The following PTPRM variants were observed in gnomAD, a reference collection of about 807,000 sequenced individuals.
PTPRM encodes receptor-type tyrosine-protein phosphatase mu.
In PTPRM, 47 loss-of-function variants were observed where a neutral mutation model predicts 186.7. The ratio of observed to expected loss-of-function variants is 0.25; its 90% CI spans 0.20 to 0.32. The LOEUF is 0.32. Ranked by LOEUF, PTPRM falls within the 10% of genes least tolerant of loss-of-function variation. The pLI, the probability that PTPRM is intolerant of heterozygous loss-of-function variation, is 1.00. For synonymous variants in PTPRM, 668 were observed against 674.9 expected, an observed-to-expected ratio of 0.99 and a Z score of 0.16; for missense variants, 1,494 against 1,865.0, an observed-to-expected ratio of 0.80 and a Z score of 3.66.
intron 1 of PTPRM, among the ~76,000 whole-genome samples, chr18:7,588,261 T>G (rs750172703): frequency 6.6e-6 from 1 of 152,322 alleles, no homozygotes; most frequent in Admixed American, 6.5e-5. Context: ...AATAACTACA[T>G]TAATTTCCAA....
chr18:8,012,193 T>C (rs1317573131), intron 7 of PTPRM, among the ~76,000 whole-genome samples: 1 of 152,242 alleles, frequency 6.6e-6, no homozygotes, highest in East Asian at 1.9e-4. Flanking sequence ...TCTGGTAGTT[T>C]GTATTTTTAG....
intron 2 of PTPRM, among the ~76,000 whole-genome samples, chr18:7,832,041 T>C (rs906786886): frequency 4.6e-5 from 7 of 152,204 alleles, no homozygotes; most frequent in Non-Finnish European, 7.4e-5. Context: ...TGGACACTTA[T>C]GTTGCTTCCA....
At chr18:7,704,890 TG>T (rs2040044048) in intron 1 of PTPRM, among the ~76,000 whole-genome samples, 1 of 152,248 alleles carries the variant, frequency 6.6e-6, no homozygotes, top group African/African-American at 2.4e-5. Context: ...CACACTTAGC[TG>T]GGAGATTTAC....
At chr18:8,283,365 T>G (rs59132483) in intron 19 of PTPRM, among the ~76,000 whole-genome samples, 19,527 of 152,260 alleles carry the variant, frequency 0.13, 1,332 homozygotes, top group Middle Eastern at 0.22. Context: ...TTATGTCAAA[T>G]TTATTGGTTA....
chr18:8,305,658 GCAGATAC>G lies in PTPRM; in HGVS notation c.2843-9119_2843-9113del, dbSNP rs548898653. On this transcript the variant is annotated intron_variant, in intron 20 of 32. Transcript: ENST00000580170. ...CACAGAAATAGGGATAGGTTGTTGA[GCAGATAC>G]CAGGAGATTAAAATGTAGAAGTTAT... Among the ~76,000 whole-genome samples, 14 of 152,278 alleles carry G rather than the reference GCAGATAC, an allele frequency of 9.2e-5. No homozygotes were observed. In the East Asian group the frequency reaches 2.7e-3, roughly 29 times the overall value.
chr18:8,390,511 A>G (rs1363778633), intron 31 of PTPRM, among the ~76,000 whole-genome samples: 2 of 152,226 alleles, frequency 1.3e-5, no homozygotes, highest in Admixed American at 1.3e-4. Flanking sequence ...TTTATAATAC[A>G]TGTGTCTGAC....
rs2095905506 is a variant in PTPRM, at chr18:8,406,192, T to A, written c.*30T>A. On this transcript the variant is annotated 3_prime_UTR_variant, in exon 33 of 33. Coordinates refer to ENST00000580170, the MANE Select transcript of PTPRM (RefSeq NM_001105244.2). ...GTAAACAGCTCTGCAAACAATCCCT[T>A]TCATACCACAAAGCCAAGACGTTCC... 6.2e-7 allele frequency: 1 copy of A among 1,600,584 alleles called. No individual in the cohort carries two copies. Among genetic ancestry groups the A allele is most frequent in the Admixed American group, 1.7e-5 (1 of 59,630 alleles).
chr18:8,086,521 G>A (rs191132165), intron 10 of PTPRM, among the ~76,000 whole-genome samples: 331 of 152,224 alleles, frequency 2.2e-3, no homozygotes, highest in African/African-American at 7.4e-3. Context: ...AAAATTGCAT[G>A]AATATTTTTT....
At chr18:7,617,731 G>C (rs769567555) in intron 1 of PTPRM, among the ~76,000 whole-genome samples, 1 of 152,094 alleles carries the variant, frequency 6.6e-6, no homozygotes, top group Non-Finnish European at 1.5e-5. Context: ...TCTCCTTTCC[G>C]CTGGTATAAG....
At chr18:8,007,605 A>C (rs953537591) in intron 7 of PTPRM, among the ~76,000 whole-genome samples, 1 of 152,150 alleles carries the variant, frequency 6.6e-6, no homozygotes, top group Non-Finnish European at 1.5e-5. Flanking sequence ...GAGATGTCTG[A>C]CCACTGTTCA....
intron 14 of PTPRM, among the ~76,000 whole-genome samples, chr18:8,232,234 T>C (rs1018088218): frequency 6.6e-6 from 1 of 152,250 alleles, no homozygotes; most frequent in Non-Finnish European, 1.5e-5. Context: ...TTGACATCTT[T>C]CACTTAGTGA....
intron 12 of PTPRM, 26 bp downstream of exon 12, chr18:8,113,785 T>G (rs1414376211): frequency 6.3e-7 from 1 of 1,586,498 alleles, no homozygotes. Context: ...AACTGTTTAC[T>G]TAGGCTATTT....
At chr18:7,711,729 G>C (rs1218460508) in intron 1 of PTPRM, among the ~76,000 whole-genome samples, 1 of 152,112 alleles carries the variant, frequency 6.6e-6, no homozygotes, top group Non-Finnish European at 1.5e-5. Flanking sequence ...AGTTCCAATG[G>C]GGCGGAGGCC....
At chr18:7,602,509 C>G (rs2037428078) in intron 1 of PTPRM, among the ~76,000 whole-genome samples, 1 of 150,738 alleles carries the variant, frequency 6.6e-6, no homozygotes, top group South Asian at 2.1e-4. Context: ...CTCACTGTAA[C>G]TTTGAACTCC....
At chr18:8,133,816 T>C (rs2092572736) in intron 13 of PTPRM, among the ~76,000 whole-genome samples, 1 of 152,174 alleles carries the variant, frequency 6.6e-6, no homozygotes, top group East Asian at 1.9e-4. Context: ...GATTTTGTTT[T>C]TTTAAATGAA....
At chr18:8,147,179 A>T (rs908160215) in intron 14 of PTPRM, among the ~76,000 whole-genome samples, 2 of 152,116 alleles carry the variant, frequency 1.3e-5, no homozygotes, top group Non-Finnish European at 2.9e-5. Context: ...TTCCAATTCT[A>T]TGAAGAACGT....
chr18:7,618,517 G>A (rs2037860514), intron 1 of PTPRM, among the ~76,000 whole-genome samples: 2 of 152,044 alleles, frequency 1.3e-5, no homozygotes, highest in Admixed American at 6.6e-5. Context: ...AATTACTGAA[G>A]GCTCAAAACA....
At chr18:8,314,318 T>C (rs73939434) in intron 20 of PTPRM, among the ~76,000 whole-genome samples, 1,676 of 152,194 alleles carry the variant, frequency 0.011, 22 homozygotes, top group African/African-American at 0.038. Flanking sequence ...AGATAGGACT[T>C]AGGGAACTCA....
chr18:8,317,793 CT>C (rs2095320080), intron 21 of PTPRM, among the ~76,000 whole-genome samples: 1 of 152,230 alleles, frequency 6.6e-6, no homozygotes. Context: ...ATACAGGCCA[CT>C]GTGGACTCTC....
Sources: allele counts gnomAD v4.1 joint callset (sites outside exome capture counted in the v4.1 genomes callset), GRCh38; gene constraint gnomAD v4.1.1; transcripts MANE v1.5; gene names NCBI Gene and HGNC (gene_info 2026-07-23, HGNC 2026-07-21).